Variants in CLPB observed in about 807,000 individuals in gnomAD.
CLPB encodes the protein mitochondrial disaggregase.
Under a neutral mutation model 78.4 loss-of-function variants are expected in CLPB, and 40 were observed. The ratio of observed to expected loss-of-function variants is 0.51; its 90% CI spans 0.40 to 0.66. The LOEUF (loss-of-function observed/expected upper bound fraction) is 0.66. Among genes scored for constraint, CLPB ranks in the 30% least tolerant of loss-of-function variants. The pLI is 0.00. For missense variants in CLPB, 780 were observed against 886.9 expected (o/e 0.88, Z 1.53); for synonymous variants, 333 against 348.0 (o/e 0.96, Z 0.48).
intron 3 of CLPB, among the ~76,000 whole-genome samples, chr11:72,398,130 T>C (rs1431517514): frequency 6.6e-6 from 1 of 152,228 alleles, no homozygotes; most frequent in Non-Finnish European, 1.5e-5. Context: ...CACACTCCAT[T>C]GCTGGCCATT....
At chr11:72,433,654 G>C (rs530927069) in intron 1 of CLPB, among the ~76,000 whole-genome samples, 10 of 152,158 alleles carry the variant, frequency 6.6e-5, no homozygotes, top group South Asian at 2.1e-4. Flanking sequence ...CTTTGGTGGC[G>C]GGGGGTAGGG....
intron 6 of CLPB, among the ~76,000 whole-genome samples, chr11:72,323,565 C>CAAAAA (rs371241451): frequency 1.5e-5 from 1 of 68,792 alleles, no homozygotes; most frequent in African/African-American, 6.3e-5. Context: ...GACTCCATCT[C>CAAAAA]AAAAAAAAAA....
chr11:72,305,121 A>G (rs1430302960), intron 9 of CLPB, among the ~76,000 whole-genome samples: 1 of 152,192 alleles, frequency 6.6e-6, no homozygotes, highest in Non-Finnish European at 1.5e-5. Context: ...CTCATCTCCC[A>G]ATGTGAAATG....
At chr11:72,333,903 A>G (rs1950273389) in intron 5 of CLPB, among the ~76,000 whole-genome samples, 1 of 152,182 alleles carries the variant, frequency 6.6e-6, no homozygotes, top group Non-Finnish European at 1.5e-5. Context: ...AGCAGTGGAA[A>G]GGTCTGTCCT....
intron 7 of CLPB, among the ~76,000 whole-genome samples, chr11:72,309,236 A>G (rs1215216076): frequency 1.3e-5 from 2 of 152,126 alleles, no homozygotes; most frequent in African/African-American, 2.4e-5. Flanking sequence ...TGGTGGAGGG[A>G]GTGGGGAGCA....
chr11:72,401,224 G>A (rs539292571), intron 3 of CLPB, among the ~76,000 whole-genome samples: 6 of 152,236 alleles, frequency 3.9e-5, no homozygotes, highest in African/African-American at 1.4e-4. Context: ...TGGATCACAA[G>A]GTCAGGAGAT....
chr11:72,408,751 C>T (rs1159161047), intron 2 of CLPB, among the ~76,000 whole-genome samples: 2 of 152,034 alleles, frequency 1.3e-5, no homozygotes, highest in South Asian at 2.1e-4. Context: ...GTAGGCCCCT[C>T]CCCTGCCTCC....
chr11:72,338,868 G>A (rs1950368657), intron 5 of CLPB, among the ~76,000 whole-genome samples: 1 of 152,180 alleles, frequency 6.6e-6, no homozygotes, highest in South Asian at 2.1e-4. Context: ...GCTCAATCAG[G>A]TACAATTAGG....
chr11:72,322,477 C>G lies in CLPB; in HGVS notation c.874-5257G>C, dbSNP rs1057316057. 5.9e-5 allele frequency among the ~76,000 whole-genome samples: 9 copies of G among 152,268 alleles called. No homozygotes were observed. The East Asian group carries it at 1.7e-3, about 29-fold the overall frequency. On this transcript the variant is annotated intron_variant, in intron 6 of 15. Transcript: ENST00000538039. Reference sequence around the variant, plus strand: ...GGGATTACAGGTGTAAGCCACTGCGCCCGGCAATGACTGACTAAATTTTAA... The same window carrying G: ...GGGATTACAGGTGTAAGCCACTGCGGCCGGCAATGACTGACTAAATTTTAA...
At chr11:72,337,499 TATATACA>T (rs1273270268) in intron 5 of CLPB, among the ~76,000 whole-genome samples, 1 of 152,208 alleles carries the variant, frequency 6.6e-6, no homozygotes, top group Non-Finnish European at 1.5e-5. Flanking sequence ...ATAATGCCTT[TATATACA>T]GTGTCTGAAT....
In CLPB at chr11:72,312,760, A is replaced by G. The variant is rs751009855; in HGVS notation, c.989-4156T>C. 2.0e-5 allele frequency among the ~76,000 whole-genome samples: 3 copies of G among 152,140 alleles called. No individual in the cohort carries two copies. The highest frequency in any genetic ancestry group is 6.5e-5 in the Admixed American group (1 of 15,274). On this transcript the variant is annotated intron_variant, in intron 7 of 15. Transcript: ENST00000538039. The surrounding 1 kb of genome is among the most constrained non-coding windows in gnomAD (Gnocchi z 4.2). ...AGCCTTATGTATTTGTTTAGCAAAAAAGCTCTGTGCTAGGTGCGGCGGCTC... is the reference window on the plus strand; with the variant it reads ...AGCCTTATGTATTTGTTTAGCAAAAGAGCTCTGTGCTAGGTGCGGCGGCTC...
chr11:72,412,934 G>T (rs1450197747), intron 2 of CLPB, among the ~76,000 whole-genome samples: 1 of 151,908 alleles, frequency 6.6e-6, no homozygotes, highest in East Asian at 1.9e-4. Flanking sequence ...TTTTTATTTT[G>T]AAATAATTTC....
chr11:72,370,707 T>G (rs891142028), intron 4 of CLPB, among the ~76,000 whole-genome samples: 9 of 152,210 alleles, frequency 5.9e-5, no homozygotes, highest in Non-Finnish European at 1.0e-4. Context: ...ATCCTCACTC[T>G]GCCTTAGTTT....
In CLPB at chr11:72,380,282, T is replaced by C. The variant is rs1464135119; in HGVS notation, c.645A>G (p.Glu215=). Residue 215 remains glutamate (E), a splice_region_variant and synonymous_variant, in exon 4 of 16, where the codon GAA becomes GAG. Transcript: ENST00000538039. ...AGAAGCAGGACAGCCCACACTTACC[T>C]TCCAAAGAATGGATTCCCTGTTCCT... is the stretch of plus-strand genomic sequence containing the variant. ...TAKEQGIHSL[E]VLITREDDFN... 4 of 1,612,196 alleles carry C rather than the reference T, an allele frequency of 2.5e-6. No individual in the cohort carries two copies. The highest frequency in any genetic ancestry group is 2.7e-5 in the African/African-American group (2 of 74,866).
chr11:72,293,904 G>T (rs1312096486), intron 15 of CLPB, 118 bp downstream of exon 15: 4 of 876,214 alleles, frequency 4.6e-6, no homozygotes, highest in Non-Finnish European at 7.2e-6. Context: ...TCCACTCTGG[G>T]TGTGAATATC....
rs997495068 is a variant in CLPB, at chr11:72,287,663, T to C, written c.*5704A>G. On this transcript the variant is annotated 3_prime_UTR_variant, in exon 16 of 16. Coordinates refer to ENST00000538039, the MANE Select transcript of CLPB (RefSeq NM_001258392.3). ...ATTTTATTTATTTTTCACCATCTTA[T>C]GGTGCTCAAAAAGGATAAAATTTTA... 8 of 152,258 alleles carry C rather than the reference T, an allele frequency of 5.3e-5. No homozygotes were observed. Among genetic ancestry groups the C allele is most frequent in the African/African-American group, 1.9e-4 (8 of 41,468 alleles). The allele number at this position is 152,258 out of a possible 1,614,324, so 9.4% of individuals were successfully genotyped here.
intron 3 of CLPB, among the ~76,000 whole-genome samples, chr11:72,389,056 C>T (rs1300074027): frequency 6.6e-6 from 1 of 152,138 alleles, no homozygotes; most frequent in Non-Finnish European, 1.5e-5. Flanking sequence ...AGATTATAAA[C>T]CAAGTGAGTA....
Position 72,295,565 on chromosome 11 carries a change from C to A in CLPB, c.1413G>T (p.Glu471Asp), listed in dbSNP as rs780612425. The change falls in exon 12 of 16, where the codon GAG (glutamate) becomes GAT (aspartate). Residue 471 changes from glutamate to aspartate, a missense_variant. This residue lies in a region of CLPB where 272 missense variants were observed against 304.0 expected (regional missense o/e 0.89). Transcript: ENST00000538039. Reference sequence around the variant, plus strand: ...TCAGCTGCAGCGCGTGCTGTGCGATCTCGTCGCTGGCCACATTGGAGGTCA... The same window carrying A: ...TCAGCTGCAGCGCGTGCTGTGCGATATCGTCGCTGGCCACATTGGAGGTCA... ...FIMTSNVASD[E>D]IAQHALQLRQ... 1.2e-6 allele frequency: 2 copies of A among 1,614,202 alleles called. No homozygotes were observed. Among genetic ancestry groups the A allele is most frequent in the South Asian group, 1.1e-5 (1 of 91,070 alleles).
At chr11:72,319,353 G>A (rs1442036661) in intron 6 of CLPB, among the ~76,000 whole-genome samples, 5 of 152,300 alleles carry the variant, frequency 3.3e-5, no homozygotes, top group African/African-American at 4.8e-5. Flanking sequence ...CACAGCAGGC[G>A]TCAATTTGTG....
Sources: allele counts gnomAD v4.1 joint callset (sites outside exome capture counted in the v4.1 genomes callset), GRCh38; gene constraint gnomAD v4.1.1; regional missense constraint gnomAD v4.1.1; non-coding constraint Gnocchi (gnomAD v3.1); transcripts MANE v1.5; gene names NCBI Gene and HGNC (gene_info 2026-07-23, HGNC 2026-07-21).